TIMM17A: variants seen among roughly 807,000 people sequenced by gnomAD.
TIMM17A encodes translocase of inner mitochondrial membrane 17A.
In TIMM17A, 15 loss-of-function variants were observed where a neutral mutation model predicts 26.5. The ratio of observed to expected loss-of-function variants is 0.57; its 90% CI spans 0.38 to 0.87. The LOEUF (loss-of-function observed/expected upper bound fraction) is 0.87. Ranked by LOEUF, TIMM17A falls within the 40% of genes least tolerant of loss-of-function variation. The pLI is 0.00. For synonymous variants in TIMM17A, 80 were observed against 70.8 expected, an observed-to-expected ratio of 1.13 and a Z score of -0.66; for missense variants, 201 against 210.0, an observed-to-expected ratio of 0.96 and a Z score of 0.27.
At position 201,963,531 on chromosome 1, in the gene TIMM17A, A is replaced by G. The variant is rs554303261; in HGVS notation, c.191-85A>G. On this transcript the variant is annotated intron_variant, in intron 3 of 5. Coordinates refer to ENST00000367287, the MANE Select transcript of TIMM17A (RefSeq NM_006335.3). ...TTTGGACTATAAATTTTGAGACTAT[A>G]GTGAGTATGTTTTTGACTATAATAT... 24 of 1,416,744 alleles carry G rather than the reference A, an allele frequency of 1.7e-5. No homozygotes were observed. In the South Asian group the frequency reaches 2.7e-4, roughly 16 times the overall value. The allele number at this position is 1,416,744 out of a possible 1,614,324, so 87.8% of individuals were successfully genotyped here. A position where few individuals can be genotyped will look rare whatever the true frequency, so the allele number is the denominator to read the frequency against.
At chr1:201,969,386 G>C in intron 5 of TIMM17A, 83 bp from the exon 6 acceptor site, 6 of 1,113,770 alleles carry the variant, frequency 5.4e-6, no homozygotes, top group Non-Finnish European at 7.9e-6. Flanking sequence ...GTTGTTGATT[G>C]ATTTACTCTC....
At chr1:201,963,465 C>G in intron 3 of TIMM17A, 151 bp from the exon 4 acceptor site, 3 of 731,268 alleles carry the variant, frequency 4.1e-6, no homozygotes, top group Non-Finnish European at 6.6e-6. Context: ...TATTCTAACT[C>G]TTGTTCGGTG....
intron 3 of TIMM17A, 192 bp from the exon 4 acceptor site, chr1:201,963,424 T>C (rs1052985382): frequency 7.0e-6 from 4 of 572,966 alleles, no homozygotes; most frequent in African/African-American, 1.9e-5. Context: ...CCAGCTGATA[T>C]AATACAATCC....
chr1:201,964,635 CTTTTTTTTTTTTTTTT>C (rs570309464), intron 4 of TIMM17A, among the ~76,000 whole-genome samples: 7 of 90,954 alleles, frequency 7.7e-5, no homozygotes, highest in South Asian at 6.4e-4. Context: ...TATTTTATTT[CTTTTTTTTTTTTTTTT>C]TTTTTTTTTT....
intron 3 of TIMM17A, chr1:201,963,265 G>A (rs879289449): frequency 3.9e-5 from 7 of 179,480 alleles, no homozygotes; most frequent in South Asian, 1.1e-4. Context: ...TAGTAGAGGC[G>A]GAGTTTCGCC....
At chr1:201,960,393 C>CT (rs766317005) in intron 3 of TIMM17A, among the ~76,000 whole-genome samples, 2 of 148,834 alleles carry the variant, frequency 1.3e-5, no homozygotes, top group Non-Finnish European at 3.0e-5. Flanking sequence ...GAGCAAGACT[C>CT]TGTCTCAAAA....
chr1:201,956,056 G>C (rs1682403545), intron 1 of TIMM17A, among the ~76,000 whole-genome samples: 1 of 152,170 alleles, frequency 6.6e-6, no homozygotes, highest in Non-Finnish European at 1.5e-5. Flanking sequence ...ATAGATTTTA[G>C]CCAAGGGGTC....
chr1:201,969,798 G>A lies in TIMM17A; in HGVS notation c.*244G>A. The A allele has an allele frequency of 6.3e-6, 2 of 316,048 alleles. No individual in the cohort carries two copies. Among genetic ancestry groups the A allele is most frequent in the Non-Finnish European group, 5.8e-6 (1 of 171,894 alleles). 19.6% of individuals were successfully genotyped at this position (316,048 alleles called of 1,614,324 possible). A position where few individuals can be genotyped will look rare whatever the true frequency, so the allele number is the denominator to read the frequency against. On this transcript the variant is annotated 3_prime_UTR_variant, in exon 6 of 6. Coordinates refer to ENST00000367287, the MANE Select transcript of TIMM17A (RefSeq NM_006335.3). ...CAAAATAAATGTTTAAATCGCTAAA[G>A]GAAAATACAGTAAGTGCTTGAAAGA... is the stretch of plus-strand genomic sequence containing the variant.
intron 4 of TIMM17A, among the ~76,000 whole-genome samples, chr1:201,964,770 T>C (rs904251059): frequency 2.0e-5 from 3 of 146,878 alleles, no homozygotes; most frequent in Admixed American, 1.4e-4. Flanking sequence ...TGCCTCAGCC[T>C]CCCGAGTAGC....
At chr1:201,957,642 T>A in intron 3 of TIMM17A, 68 bp downstream of exon 3, 1 of 1,330,698 alleles carries the variant, frequency 7.5e-7, no homozygotes, top group Admixed American at 1.9e-5. Context: ...CTATTTTTAT[T>A]TTTAGATTAC....
chr1:201,965,595 GA>G, intron 5 of TIMM17A, 52 bp downstream of exon 5: 1 of 1,158,048 alleles, frequency 8.6e-7, no homozygotes, highest in Non-Finnish European at 1.3e-6. Flanking sequence ...ATGGTTTTCT[GA>G]TGTTAAGAAA....
At chr1:201,961,608 T>C (rs1682532831) in intron 3 of TIMM17A, among the ~76,000 whole-genome samples, 1 of 152,014 alleles carries the variant, frequency 6.6e-6, no homozygotes, top group Admixed American at 6.6e-5. Context: ...TCCCAGCACT[T>C]TGGGAGGCCA....
chr1:201,957,947 G>A (rs907158367), intron 3 of TIMM17A: 4 of 171,352 alleles, frequency 2.3e-5, no homozygotes, highest in Admixed American at 6.1e-5. Flanking sequence ...AGACCAGCCT[G>A]ACCAACATGG....
rs777431616 is a variant in TIMM17A at position 201,965,438 on chromosome 1, C to T, written c.325C>T (p.Pro109Ser). 1.2e-6 allele frequency: 2 copies of T among 1,604,722 alleles called. No individual in the cohort carries two copies. The highest frequency in any genetic ancestry group is 3.3e-5 in the Admixed American group (2 of 59,996). ...TGAILAARNG[P>S]VAMVGSAAMG... ...TTTGTTATTAATGTCTTCAGATGGACCAGTGGCCATGGTTGGGTCAGCCGC... is the reference window on the plus strand; with the variant it reads ...TTTGTTATTAATGTCTTCAGATGGATCAGTGGCCATGGTTGGGTCAGCCGC... The change falls in exon 5 of 6, where the codon CCA (proline) becomes TCA (serine). Residue 109 changes from proline (P) to serine (S), a missense_variant. Transcript: ENST00000367287.
intron 5 of TIMM17A, among the ~76,000 whole-genome samples, chr1:201,967,085 G>A (rs908221512): frequency 2.7e-4 from 41 of 149,872 alleles, no homozygotes; most frequent in African/African-American, 9.8e-4. Context: ...AAAATACGTA[G>A]AATAGTGAGA....
intron 5 of TIMM17A, among the ~76,000 whole-genome samples, chr1:201,969,228 T>C (rs1486074225): frequency 6.6e-6 from 1 of 152,204 alleles, no homozygotes; most frequent in African/African-American, 2.4e-5. Context: ...TTTCCTAGCA[T>C]AGTGTTTGAA....
At position 201,964,635 on chromosome 1, in the gene TIMM17A, C is replaced by CTT. The variant is rs570309464; in HGVS notation, c.320-768_320-767dup. Among the ~76,000 whole-genome samples, 371 of 90,826 alleles carry CTT rather than the reference C, an allele frequency of 4.1e-3. 27 individuals are homozygous for CTT. Among genetic ancestry groups the CTT allele is most frequent in the Middle Eastern group, 0.013 (2 of 150 alleles). The allele number at this position is 90,826 out of a possible 152,430, so 59.6% of individuals were successfully genotyped here. ...TTTATTTATTTATTTTATTTTATTT[C>CTT]TTTTTTTTTTTTTTTTTTTTTTTTT... is the stretch of plus-strand genomic sequence containing the variant. On this transcript the variant is annotated intron_variant, in intron 4 of 5. Coordinates refer to ENST00000367287, the MANE Select transcript of TIMM17A (RefSeq NM_006335.3).
intron 5 of TIMM17A, among the ~76,000 whole-genome samples, chr1:201,968,147 A>G (rs920100741): frequency 1.3e-5 from 2 of 150,188 alleles, no homozygotes; most frequent in African/African-American, 2.5e-5. Context: ...CAGGTGCGCA[A>G]CATCACACCT....
At position 201,957,334 on chromosome 1, in the gene TIMM17A, G is replaced by C; in HGVS notation, c.80G>C (p.Gly27Ala). The C allele has an allele frequency of 6.2e-7, 1 of 1,613,916 alleles. No homozygotes were observed. The highest frequency in any genetic ancestry group is 8.5e-7 in the Non-Finnish European group (1 of 1,179,810). The change falls in exon 2 of 6, where the codon GGT becomes GCT. Residue 27 changes from glycine to alanine, a missense_variant. Transcript: ENST00000367287. The part of the protein sequence containing the change: ...CGGAFTMGTI[G>A]GGIFQAIKGF... ...GGGGCCTTTACGATGGGTACCATTGGTGGTGGTATCTTTCAAGCAATCAAA... is the reference window on the plus strand; with the variant it reads ...GGGGCCTTTACGATGGGTACCATTGCTGGTGGTATCTTTCAAGCAATCAAA...
Sources: allele counts gnomAD v4.1 joint callset (sites outside exome capture counted in the v4.1 genomes callset), GRCh38; gene constraint gnomAD v4.1.1; transcripts MANE v1.5; gene names NCBI Gene and HGNC (gene_info 2026-07-23, HGNC 2026-07-21).